The following ANKRD62 variants were observed in gnomAD, a reference collection of about 807,000 sequenced individuals.
The protein encoded by ANKRD62 is ankyrin repeat domain-containing protein 62.
A neutral mutation model predicts 98.8 loss-of-function variants in ANKRD62; 61 were observed. The observed-to-expected ratio is 0.62, with a 90% confidence interval of 0.50 to 0.76. ANKRD62 has a LOEUF of 0.76. Among genes scored for constraint, ANKRD62 ranks in the 30% least tolerant of loss-of-function variants. The pLI is 0.00. For synonymous variants in ANKRD62, 341 were observed against 367.9 expected, an observed-to-expected ratio of 0.93 and a Z score of 0.84; for missense variants, 933 against 1,082.9, an observed-to-expected ratio of 0.86 and a Z score of 1.94.
intron 10 of ANKRD62, among the ~76,000 whole-genome samples, chr18:12,117,582 TGTTAGCTGTAG>T (rs1283631371): frequency 3.3e-5 from 5 of 152,220 alleles, no homozygotes; most frequent in African/African-American, 1.2e-4. Context: ...CCATGATACA[TGTTAGCTGTAG>T]GTTCATCATA....
At chr18:12,100,582 T>A (rs1909279079) in intron 6 of ANKRD62, among the ~76,000 whole-genome samples, 1 of 152,178 alleles carries the variant, frequency 6.6e-6, no homozygotes, top group East Asian at 1.9e-4. Context: ...TCTGGTACCA[T>A]GAACAAACAT....
chr18:12,135,115 G>A, the ANKRD62 span, among the ~76,000 whole-genome samples: 90,976 of 149,730 alleles, frequency 0.61, 28,448 homozygotes, highest in Middle Eastern at 0.76. Context: ...ATATGTATAC[G>A]TGTGCCATGT....
At chr18:12,181,658 C>G in the ANKRD62 span, among the ~76,000 whole-genome samples, 1 of 152,016 alleles carries the variant, frequency 6.6e-6, no homozygotes, top group Non-Finnish European at 1.5e-5. Flanking sequence ...CCAAGATGGC[C>G]GAATAGGAAC....
At position 12,115,121 on chromosome 18, in the gene ANKRD62, G is replaced by A; in HGVS notation, c.1098G>A (p.Lys366=). 11 of 1,400,048 alleles carry A rather than the reference G, an allele frequency of 7.9e-6. No homozygotes were observed. The highest frequency in any genetic ancestry group is 1.0e-5 in the Non-Finnish European group (11 of 1,084,274). 86.7% of individuals were successfully genotyped at this position (1,400,048 alleles called of 1,614,324 possible). The change falls in exon 9 of 14, where the codon AAG becomes AAA. Residue 366 remains lysine, a splice_region_variant and synonymous_variant. Coordinates refer to ENST00000587848, the MANE Select transcript of ANKRD62 (RefSeq NM_001277333.2). ...LARKTSNEKS[K]VKSQIYFTDD... ...GGAAAACCTCTAATGAAAAGAGCAAGGTATTATAAAAGTAAATTGTCAAGA... is the reference window on the plus strand; with the variant it reads ...GGAAAACCTCTAATGAAAAGAGCAAAGTATTATAAAAGTAAATTGTCAAGA...
the ANKRD62 span, among the ~76,000 whole-genome samples, chr18:12,165,512 AAC>A: frequency 0.012 from 1,884 of 152,172 alleles, 29 homozygotes; most frequent in African/African-American, 0.041. Flanking sequence ...TGCATAAACA[AAC>A]ACACAAAAAA....
At position 12,129,340 on chromosome 18, in the gene ANKRD62, G is replaced by A. The variant is rs1909959279; in HGVS notation, c.*1401G>A. Reference sequence around the variant, plus strand: ...AGTAGTATTATTTGAGACTTTGTGAGCCATAAGATCCCTGTTGCAACAACT... The same window carrying A: ...AGTAGTATTATTTGAGACTTTGTGAACCATAAGATCCCTGTTGCAACAACT... On this transcript the variant is annotated 3_prime_UTR_variant, in exon 14 of 14. Coordinates refer to ENST00000587848, the MANE Select transcript of ANKRD62 (RefSeq NM_001277333.2). The A allele has an allele frequency of 6.6e-6, 1 of 152,158 alleles. No individual in the cohort carries two copies. The highest frequency in any genetic ancestry group is 2.4e-5 in the African/African-American group (1 of 41,414). The allele number at this position is 152,158 out of a possible 1,614,324, so 9.4% of individuals were successfully genotyped here. A position where few individuals can be genotyped will look rare whatever the true frequency, so the allele number is the denominator to read the frequency against.
rs575390111 is a variant in ANKRD62, at chr18:12,126,041, C to A, written c.2220C>A (p.Val740=). The change falls in exon 13 of 14, where the codon GTC becomes GTA. Residue 740 remains valine (V), a synonymous_variant. Transcript: ENST00000587848. ...TGCATATAGAACACATGCAAGGAGT[C>A]CTAAGCCGAACACAGCGTCGATTGG... ...KTLHIEHMQG[V]LSRTQRRLED... 6.5e-7 allele frequency: 1 copy of A among 1,536,258 alleles called. No individual in the cohort carries two copies. Among genetic ancestry groups the A allele is most frequent in the East Asian group, 2.4e-5 (1 of 40,920 alleles).
At position 12,095,449 on chromosome 18, in the gene ANKRD62, C is replaced by G; in HGVS notation, c.346C>G (p.Gln116Glu). ...RTALIKAVQC[Q>E]EEVCASILLE... is the part of the protein sequence containing the mutation. ...CTAATACTGACAGGCTGTACAATGT[C>G]AAGAAGAAGTTTGTGCATCCATCCT... is the stretch of plus-strand genomic sequence containing the variant. The change falls in exon 3 of 14, where the codon CAA becomes GAA. Residue 116 changes from glutamine to glutamate, a missense_variant. By Grantham distance (29) the Gln-to-Glu change is conservative. This residue lies in a region of ANKRD62 where 549 missense variants were observed against 587.9 expected (regional missense o/e 0.93). Transcript: ENST00000587848. 1 of 1,572,240 alleles carries G rather than the reference C, an allele frequency of 6.4e-7. No homozygotes were observed. The highest frequency in any genetic ancestry group is 8.6e-7 in the Non-Finnish European group (1 of 1,163,956).
chr18:12,115,457 C>T lies in ANKRD62; in HGVS notation c.1163C>T (p.Ser388Leu), dbSNP rs1030751592. The change falls in exon 10 of 14, where the codon TCA (serine) becomes TTA (leucine). Residue 388 changes from serine to leucine, a missense_variant. By Grantham distance (145) the Ser-to-Leu change is moderately radical. Transcript: ENST00000587848. Reference sequence around the variant, plus strand: ...ATAAGTGGGTCATCTGAAAAAACCTCAGAGGATGATGAGTTGCCTTACTCT... The same window carrying T: ...ATAAGTGGGTCATCTGAAAAAACCTTAGAGGATGATGAGTTGCCTTACTCT... ...NDISGSSEKTSEDDELPYSDD... is the reference protein window; with the variant it reads ...NDISGSSEKTLEDDELPYSDD... The T allele has an allele frequency of 1.3e-6, 2 of 1,537,132 alleles. No individual in the cohort carries two copies. Among genetic ancestry groups the T allele is most frequent in the African/African-American group, 1.4e-5 (1 of 72,972 alleles).
At chr18:12,167,959 C>T in the ANKRD62 span, among the ~76,000 whole-genome samples, 1,602 of 152,214 alleles carry the variant, frequency 0.011, 22 homozygotes, top group African/African-American at 0.036. Context: ...ATATGCTTTG[C>T]CCACTTTTTG....
At chr18:12,150,633 T>C in the ANKRD62 span, among the ~76,000 whole-genome samples, 4 of 152,064 alleles carry the variant, frequency 2.6e-5, no homozygotes, top group South Asian at 2.1e-4. Flanking sequence ...CCAGAAGAGA[T>C]TGGGGGCCTA....
chr18:12,164,353 T>A, the ANKRD62 span, among the ~76,000 whole-genome samples: 1 of 151,998 alleles, frequency 6.6e-6, no homozygotes, highest in Non-Finnish European at 1.5e-5. Flanking sequence ...GTCTTTTTTT[T>A]CGTCTCTGAT....
At chr18:12,118,357 C>T (rs1209493788) in intron 10 of ANKRD62, among the ~76,000 whole-genome samples, 1 of 152,034 alleles carries the variant, frequency 6.6e-6, no homozygotes, top group African/African-American at 2.4e-5. Flanking sequence ...CCTGTAATCC[C>T]AGCACTTTTG....
At chr18:12,172,315 G>A in the ANKRD62 span, among the ~76,000 whole-genome samples, 4 of 152,170 alleles carry the variant, frequency 2.6e-5, no homozygotes, top group African/African-American at 9.7e-5. Context: ...GTACAGATGG[G>A]GTTTTGGTGT....
At chr18:12,181,507 T>G in the ANKRD62 span, among the ~76,000 whole-genome samples, 3 of 152,214 alleles carry the variant, frequency 2.0e-5, no homozygotes, top group Non-Finnish European at 4.4e-5. Context: ...ATTAATTTAT[T>G]TATAACACCA....
chr18:12,181,608 A>G, the ANKRD62 span, among the ~76,000 whole-genome samples: 641 of 152,358 alleles, frequency 4.2e-3, 9 homozygotes, highest in African/African-American at 0.015. Context: ...AGCCATCACC[A>G]TGATCTAACT....
chr18:12,128,750 T>C lies in ANKRD62; in HGVS notation c.*811T>C, dbSNP rs1909944645. 6.6e-6 allele frequency: 1 copy of C among 152,238 alleles called. No individual in the cohort carries two copies. The highest frequency in any genetic ancestry group is 6.5e-5 in the Admixed American group (1 of 15,288). 9.4% of individuals were successfully genotyped at this position (152,238 alleles called of 1,614,324 possible). ...TTCTGGTTTCCCTGGAAAGGAAAGATGATGCTTAGTTTTAAATGTTAAAAA... is the reference window on the plus strand; with the variant it reads ...TTCTGGTTTCCCTGGAAAGGAAAGACGATGCTTAGTTTTAAATGTTAAAAA... On this transcript the variant is annotated 3_prime_UTR_variant, in exon 14 of 14. Coordinates refer to ENST00000587848, the MANE Select transcript of ANKRD62 (RefSeq NM_001277333.2).
At chr18:12,177,466 C>T in the ANKRD62 span, among the ~76,000 whole-genome samples, 12 of 152,254 alleles carry the variant, frequency 7.9e-5, 1 homozygote, top group Admixed American at 6.5e-4. Flanking sequence ...GAGAGGGTGG[C>T]AGCTATGACA....
the ANKRD62 span, among the ~76,000 whole-genome samples, chr18:12,176,185 C>T: frequency 4.6e-5 from 7 of 151,712 alleles, no homozygotes; most frequent in Admixed American, 2.0e-4. Flanking sequence ...GAGTGAGACT[C>T]CTTCTCAAAA....
Sources: allele counts gnomAD v4.1 joint callset (sites outside exome capture counted in the v4.1 genomes callset), GRCh38; gene constraint gnomAD v4.1.1; regional missense constraint gnomAD v4.1.1; transcripts MANE v1.5; gene names NCBI Gene and HGNC (gene_info 2026-07-23, HGNC 2026-07-21).